Variants in IL1RAPL2 observed in about 807,000 individuals in gnomAD.
IL1RAPL2 encodes the protein interleukin 1 receptor accessory protein like 2.
Under a neutral mutation model 44.1 loss-of-function variants are expected in IL1RAPL2, and 3 were observed. That is an observed-to-expected ratio of 0.07 (90% confidence interval 0.03 to 0.18). The LOEUF is 0.18. Among genes scored for constraint, IL1RAPL2 ranks in the 10% least tolerant of loss-of-function variants. IL1RAPL2 has a pLI of 1.00. For missense variants in IL1RAPL2, 391 were observed against 496.4 expected (o/e 0.79, Z 2.02); for synonymous variants, 181 against 178.8 (o/e 1.01, Z -0.10).
intron 1 of IL1RAPL2, among the ~76,000 whole-genome samples, chrX:104,577,400 C>A (rs1223520098): frequency 8.9e-6 from 1 of 111,735 alleles, no homozygotes; most frequent in Admixed American, 9.5e-5. Context: ...AAGCTCTGCT[C>A]AGGTGTAAGA....
chrX:105,695,349 C>A (rs999737062), intron 6 of IL1RAPL2, among the ~76,000 whole-genome samples: 2 of 111,503 alleles, frequency 1.8e-5, no homozygotes, highest in Non-Finnish European at 3.8e-5. Context: ...GATTGGAAAT[C>A]CTCATGCCAC....
intron 1 of IL1RAPL2, among the ~76,000 whole-genome samples, chrX:104,617,310 C>T (rs1929299736): frequency 8.9e-6 from 1 of 112,008 alleles, no homozygotes; most frequent in South Asian, 3.7e-4. Context: ...TTTTCTTTAG[C>T]ATTGACTTTG....
intron 2 of IL1RAPL2, among the ~76,000 whole-genome samples, chrX:104,707,420 G>A (rs1320906733): frequency 9.0e-6 from 1 of 111,722 alleles, no homozygotes; most frequent in East Asian, 2.8e-4. Flanking sequence ...TCCAACAGTA[G>A]GCGTTATCTA....
At chrX:104,893,973 G>A (rs148134312) in intron 2 of IL1RAPL2, among the ~76,000 whole-genome samples, 3,263 of 111,340 alleles carry the variant, frequency 0.029, 46 homozygotes, top group Non-Finnish European at 0.045. Flanking sequence ...CTCTTTTAGG[G>A]CAGGTCTAGT....
At chrX:105,480,516 G>A (rs1007490606) in intron 5 of IL1RAPL2, among the ~76,000 whole-genome samples, 6 of 111,844 alleles carry the variant, frequency 5.4e-5, no homozygotes, top group East Asian at 2.8e-4. Context: ...ACATTGAAAC[G>A]TTAGTAACAA....
intron 2 of IL1RAPL2, among the ~76,000 whole-genome samples, chrX:104,759,401 T>C (rs1431832693): frequency 8.9e-6 from 1 of 112,024 alleles, no homozygotes; most frequent in Non-Finnish European, 1.9e-5. Context: ...GGTTAAGTGA[T>C]TTATTGCTTT....
At chrX:105,111,810 AAAG>A (rs1175675692) in intron 2 of IL1RAPL2, among the ~76,000 whole-genome samples, 2 of 111,910 alleles carry the variant, frequency 1.8e-5, no homozygotes, top group African/African-American at 6.5e-5. Flanking sequence ...ACTGAGAATG[AAAG>A]AAGGAAATTA....
intron 2 of IL1RAPL2, among the ~76,000 whole-genome samples, chrX:104,828,942 C>A (rs1921537386): frequency 8.9e-6 from 1 of 112,088 alleles, no homozygotes; most frequent in South Asian, 3.7e-4. Flanking sequence ...GGGAGAACGG[C>A]CTACTCAAGT....
At chrX:104,788,100 T>A (rs1932807724) in intron 2 of IL1RAPL2, among the ~76,000 whole-genome samples, 3 of 112,040 alleles carry the variant, frequency 2.7e-5, no homozygotes, top group African/African-American at 9.7e-5. Flanking sequence ...AGAAGAGTTT[T>A]ACACAAGGAT....
At chrX:105,104,032 A>G (rs1218811485) in intron 2 of IL1RAPL2, among the ~76,000 whole-genome samples, 1 of 112,018 alleles carries the variant, frequency 8.9e-6, no homozygotes, top group Non-Finnish European at 1.9e-5. Context: ...AACTGTAGTC[A>G]CAATAATGAG....
intron 6 of IL1RAPL2, among the ~76,000 whole-genome samples, chrX:105,687,334 G>T (rs2037988987): frequency 9.1e-6 from 1 of 109,917 alleles, no homozygotes; most frequent in South Asian, 3.8e-4. Context: ...CCGCTAGCAA[G>T]ACAAATAAAG....
Position 105,233,881 on chromosome X carries a change from G to A in IL1RAPL2, c.420G>A (p.Leu140=), listed in dbSNP as rs2034096004. Residue 140 remains leucine (L), a synonymous_variant, in exon 4 of 11, where the codon CTG becomes CTA. Coordinates refer to ENST00000372582, the MANE Select transcript of IL1RAPL2 (RefSeq NM_017416.2). ...CTGTTGCAGAGAATGAATCAGGCCT[G>A]TGCTACAACAGCAGGATCCGCTATT... ...SLTVAENESG[L]CYNSRIRYLE... The A allele has an allele frequency of 7.4e-6, 9 of 1,209,712 alleles. No individual in the cohort carries two copies. Among genetic ancestry groups the A allele is most frequent in the Non-Finnish European group, 1.0e-5 (9 of 893,537 alleles).
intron 1 of IL1RAPL2, among the ~76,000 whole-genome samples, chrX:104,577,257 G>C (rs892145101): frequency 1.8e-5 from 2 of 112,032 alleles, no homozygotes; most frequent in Non-Finnish European, 3.8e-5. Context: ...TAGCCAATTG[G>C]AGCATTGGAG....
intron 1 of IL1RAPL2, among the ~76,000 whole-genome samples, chrX:104,631,936 T>C (rs1929659983): frequency 9.1e-6 from 1 of 110,371 alleles, no homozygotes; most frequent in African/African-American, 3.3e-5. Flanking sequence ...TCCTGAATGG[T>C]ATTGCCTAGG....
chrX:105,264,484 C>T (rs1169065782), intron 4 of IL1RAPL2, among the ~76,000 whole-genome samples: 2 of 111,433 alleles, frequency 1.8e-5, no homozygotes, highest in Non-Finnish European at 3.8e-5. Context: ...CAGCAGCTTA[C>T]TGGGAGAAAG....
intron 2 of IL1RAPL2, among the ~76,000 whole-genome samples, chrX:104,984,248 C>A (rs770167346): frequency 1.4e-4 from 16 of 111,726 alleles, no homozygotes; most frequent in African/African-American, 5.2e-4. Context: ...CAGAGTTAAT[C>A]ACATGTGGGA....
intron 5 of IL1RAPL2, among the ~76,000 whole-genome samples, chrX:105,418,205 C>T (rs112616183): frequency 0.064 from 7,019 of 109,844 alleles, 546 homozygotes; most frequent in African/African-American, 0.22. Context: ...TAGTGCTCAA[C>T]ACATAGTTGA....
At chrX:105,244,157 G>A (rs983680294) in intron 4 of IL1RAPL2, among the ~76,000 whole-genome samples, 6 of 110,714 alleles carry the variant, frequency 5.4e-5, no homozygotes, top group African/African-American at 2.0e-4. Flanking sequence ...TGCTGCTTGA[G>A]GGGCCTCATA....
rs76330432 is a variant in IL1RAPL2 at position 105,528,807 on chromosome X, A to G, written c.772+44420A>G. 0.037 allele frequency among the ~76,000 whole-genome samples: 4,082 copies of G among 111,324 alleles called. 396 individuals carry two copies. In the East Asian group the frequency reaches 0.43, roughly 12 times the overall value. On this transcript the variant is annotated intron_variant, in intron 6 of 10. Transcript: ENST00000372582. Reference sequence around the variant, plus strand: ...ACATTGATAAGATACTATGTCTAACACATATACTATATTGAAATTTTCCCA... The same window carrying G: ...ACATTGATAAGATACTATGTCTAACGCATATACTATATTGAAATTTTCCCA...
Sources: gnomAD v4.1 joint callset for allele counts (sites outside exome capture counted in the v4.1 genomes callset) on GRCh38, gnomAD v4.1.1 for gene constraint, MANE v1.5 for transcripts, NCBI Gene and HGNC (gene_info 2026-07-23, HGNC 2026-07-21) for gene names.